Variants in MYDGF observed in about 807,000 individuals in gnomAD.
The protein encoded by MYDGF is myeloid-derived growth factor.
In MYDGF, 29 loss-of-function variants were observed where a neutral mutation model predicts 24.2. That is an observed-to-expected ratio of 1.20 (90% confidence interval 0.89 to 1.63). The LOEUF (loss-of-function observed/expected upper bound fraction) is 1.63, where lower values mean the gene tolerates loss of function less well. Among genes scored for constraint, MYDGF ranks in the 40% most tolerant of loss-of-function variants. The pLI is 0.00. For missense variants in MYDGF, 245 were observed against 234.8 expected (o/e 1.04, Z -0.29); for synonymous variants, 105 against 102.5 (o/e 1.02, Z -0.15).
chr19:4,664,661 C>T (rs1267519570), intron 3 of MYDGF, among the ~76,000 whole-genome samples: 2 of 152,168 alleles, frequency 1.3e-5, no homozygotes, highest in African/African-American at 4.8e-5. Context: ...CCGTCTCCCC[C>T]AGACCTTCTC....
intron 1 of MYDGF, among the ~76,000 whole-genome samples, chr19:4,669,478 T>C (rs755458736): frequency 6.6e-6 from 1 of 151,854 alleles, no homozygotes; most frequent in Non-Finnish European, 1.5e-5. Flanking sequence ...ATTATCCGGG[T>C]GTGGTGGCAC....
chr19:4,669,209 C>G (rs560107965), intron 1 of MYDGF, among the ~76,000 whole-genome samples: 9 of 152,350 alleles, frequency 5.9e-5, no homozygotes, highest in African/African-American at 1.7e-4. Flanking sequence ...CACAGTGGCT[C>G]ACGCCTGTAA....
rs1206394561 is a variant in MYDGF at position 4,658,026 on chromosome 19, C to T, written c.501G>A (p.Lys167=). The change falls in exon 6 of 6, where the codon AAG becomes AAA. Residue 167 remains lysine (K), a synonymous_variant. Transcript: ENST00000262947. ...CTGGTCACAGCTCAGTGCGCGATGC[C>T]TTGGCCACAATCACCAGCTTGGACA... ...AELSKLVIVA[K]ASRTEL is the part of the protein sequence containing the mutation. The T allele has an allele frequency of 6.2e-7, 1 of 1,611,416 alleles. No individual in the cohort carries two copies. The highest frequency in any genetic ancestry group is 1.7e-5 in the Admixed American group (1 of 59,756).
At chr19:4,670,037 G>T in intron 1 of MYDGF, 124 bp downstream of exon 1, 1 of 1,094,246 alleles carries the variant, frequency 9.1e-7, no homozygotes, top group Non-Finnish European at 1.2e-6. Context: ...CTAACAATCC[G>T]CACCCCTTCT....
chr19:4,661,456 C>T (rs1347248403), intron 3 of MYDGF, among the ~76,000 whole-genome samples: 2 of 152,152 alleles, frequency 1.3e-5, no homozygotes, highest in East Asian at 1.9e-4. Context: ...TCTCAGAGGG[C>T]ATTGACTAGG....
At chr19:4,664,750 G>A (rs2145187183) in intron 3 of MYDGF, 126 bp downstream of exon 3, 1 of 1,057,054 alleles carries the variant, frequency 9.5e-7, no homozygotes, top group Non-Finnish European at 1.4e-6. Flanking sequence ...ACGTGCATGA[G>A]TCTCCCTGCT....
At position 4,657,996 on chromosome 19, in the gene MYDGF, G is replaced by A. The variant is rs763799941; in HGVS notation, c.*9C>T. On this transcript the variant is annotated 3_prime_UTR_variant, in exon 6 of 6. Coordinates refer to ENST00000262947, the MANE Select transcript of MYDGF (RefSeq NM_019107.4). ...GATGAGAAGGTGCCACCCGCAACAG[G>A]GCTGCTGGTCACAGCTCAGTGCGCG... 3.7e-6 allele frequency: 6 copies of A among 1,606,036 alleles called. No individual in the cohort carries two copies. The highest frequency in any genetic ancestry group is 3.4e-5 in the Admixed American group (2 of 59,128).
chr19:4,660,081 A>G, intron 4 of MYDGF, 78 bp from the exon 5 acceptor site: 1 of 1,357,520 alleles, frequency 7.4e-7, no homozygotes, highest in Non-Finnish European at 1.0e-6. Context: ...TTTGCTTTCC[A>G]GAGAAGCACA....
chr19:4,658,421 G>A (rs1026363487), intron 5 of MYDGF, among the ~76,000 whole-genome samples: 6 of 152,290 alleles, frequency 3.9e-5, no homozygotes, highest in Middle Eastern at 3.4e-3. Context: ...GATGATCCCG[G>A]CCTGAACAGG....
intron 2 of MYDGF, among the ~76,000 whole-genome samples, chr19:4,666,495 CA>C (rs2088522500): frequency 6.6e-6 from 1 of 152,016 alleles, no homozygotes; most frequent in South Asian, 2.1e-4. Context: ...AGGCTGGTCT[CA>C]AACTCCCAAC....
At chr19:4,665,526 TA>T (rs913312924) in intron 2 of MYDGF, among the ~76,000 whole-genome samples, 1 of 151,748 alleles carries the variant, frequency 6.6e-6, no homozygotes, top group Non-Finnish European at 1.5e-5. Context: ...CTTAAACATA[TA>T]AATAGATGTC....
At chr19:4,670,104 G>A in intron 1 of MYDGF, 57 bp downstream of exon 1, 1 of 1,353,678 alleles carries the variant, frequency 7.4e-7, no homozygotes, top group Non-Finnish European at 9.6e-7. Context: ...CCAATGCTCC[G>A]CGCCCCCTCC....
intron 5 of MYDGF, among the ~76,000 whole-genome samples, chr19:4,659,327 C>T (rs894242473): frequency 3.9e-5 from 6 of 152,224 alleles, no homozygotes; most frequent in African/African-American, 9.6e-5. Flanking sequence ...ACCTCCACCT[C>T]CCAGGTTCCA....
chr19:4,667,119 CCCT>C (rs2088527245), intron 2 of MYDGF, among the ~76,000 whole-genome samples: 1 of 147,110 alleles, frequency 6.8e-6, no homozygotes, highest in Non-Finnish European at 1.5e-5. Flanking sequence ...CTTCAAATCA[CCCT>C]TTTTTTTTTT....
chr19:4,669,892 C>G (rs1023338432), intron 1 of MYDGF, among the ~76,000 whole-genome samples: 1 of 152,150 alleles, frequency 6.6e-6, no homozygotes, highest in East Asian at 1.9e-4. Flanking sequence ...ACACTCCAGG[C>G]AGGCGACAGG....
intron 5 of MYDGF, 56 bp from the exon 6 acceptor site, chr19:4,658,140 G>T (rs896544247): frequency 7.3e-6 from 11 of 1,497,030 alleles, no homozygotes; most frequent in Non-Finnish European, 9.1e-6. Flanking sequence ...TCAGAAGTCC[G>T]GAGGATTTGG....
intron 5 of MYDGF, among the ~76,000 whole-genome samples, chr19:4,659,138 C>T (rs1000241540): frequency 4.0e-5 from 6 of 151,894 alleles, no homozygotes; most frequent in African/African-American, 4.8e-5. Context: ...TGCAGTGGTG[C>T]GATCATAGCT....
chr19:4,667,793 G>A (rs1158967965), intron 2 of MYDGF, among the ~76,000 whole-genome samples: 7 of 151,950 alleles, frequency 4.6e-5, no homozygotes, highest in African/African-American at 1.7e-4. Context: ...GACCTCCTGG[G>A]CTCAAGCGAT....
rs192310282 is a variant in MYDGF, at chr19:4,668,746, A to G, written c.175-101T>C. On this transcript the variant is annotated intron_variant, in intron 1 of 5. Transcript: ENST00000262947. ...ACCCAAGCTGGAGTGCAGGGGCACA[A>G]TGACAGCTCACTGCAGCCTCGAACT... The G allele has an allele frequency of 2.6e-4, 256 of 967,962 alleles. No individual in the cohort carries two copies. In the Admixed American group the frequency reaches 3.2e-3, roughly 12 times the overall value. The allele number at this position is 967,962 out of a possible 1,614,324, so 60.0% of individuals were successfully genotyped here.
Sources: gnomAD v4.1 joint callset for allele counts (sites outside exome capture counted in the v4.1 genomes callset) on GRCh38, gnomAD v4.1.1 for gene constraint, MANE v1.5 for transcripts, NCBI Gene and HGNC (gene_info 2026-07-23, HGNC 2026-07-21) for gene names.